LUZP2: variants seen among roughly 807,000 people sequenced by gnomAD.
LUZP2 encodes the protein leucine zipper protein 2.
LUZP2 carries 52 observed loss-of-function variants against 51.6 expected under a neutral mutation model. The observed-to-expected ratio is 1.01, with a 90% confidence interval of 0.81 to 1.27. LUZP2 has a LOEUF of 1.27. LUZP2 is among the 50% of genes most tolerant of loss of function. The pLI, the probability that LUZP2 is intolerant of heterozygous loss-of-function variation, is 0.00. For missense variants in LUZP2, 436 were observed against 395.4 expected (o/e 1.10, Z -0.87); for synonymous variants, 154 against 137.3 (o/e 1.12, Z -0.85).
chr11:24,581,867 GCT>G (rs1852868545), intron 1 of LUZP2, among the ~76,000 whole-genome samples: 1 of 151,964 alleles, frequency 6.6e-6, no homozygotes, highest in Non-Finnish European at 1.5e-5. Context: ...GGAAACAGAG[GCT>G]CAGAGAATTG....
At chr11:24,846,822 T>C (rs987674925) in intron 5 of LUZP2, among the ~76,000 whole-genome samples, 2 of 152,054 alleles carry the variant, frequency 1.3e-5, no homozygotes, top group African/African-American at 2.4e-5. Flanking sequence ...TCTGTCTCCC[T>C]CTATGTGTGT....
At chr11:24,585,120 G>C (rs1168618543) in intron 1 of LUZP2, among the ~76,000 whole-genome samples, 1 of 151,958 alleles carries the variant, frequency 6.6e-6, no homozygotes, top group Admixed American at 6.6e-5. Flanking sequence ...GTTCTCTCTG[G>C]GTATCCTTAA....
At chr11:24,813,462 G>T (rs1376893005) in intron 5 of LUZP2, among the ~76,000 whole-genome samples, 1 of 152,116 alleles carries the variant, frequency 6.6e-6, no homozygotes, top group African/African-American at 2.4e-5. Context: ...GGGGGAGCAG[G>T]CACATCACAT....
intron 1 of LUZP2, among the ~76,000 whole-genome samples, chr11:24,525,598 A>G (rs1173130153): frequency 6.6e-6 from 1 of 151,456 alleles, no homozygotes; most frequent in Non-Finnish European, 1.5e-5. Context: ...GGTTGATGTT[A>G]GTGAAACCAG....
intron 7 of LUZP2, among the ~76,000 whole-genome samples, chr11:24,959,065 A>G (rs1855305004): frequency 6.6e-6 from 1 of 152,152 alleles, no homozygotes; most frequent in Non-Finnish European, 1.5e-5. Context: ...AGATAGTTAT[A>G]GATGTGTGGC....
At chr11:24,771,614 G>T (rs2931360) in intron 5 of LUZP2, among the ~76,000 whole-genome samples, 79,699 of 150,436 alleles carry the variant, frequency 0.53, 21,548 homozygotes, top group Non-Finnish European at 0.6. Context: ...TTAAGAAAAA[G>T]ACACTACCTC....
At chr11:24,769,661 AT>A (rs138849387) in intron 5 of LUZP2, among the ~76,000 whole-genome samples, 11,461 of 147,276 alleles carry the variant, frequency 0.078, 959 homozygotes, top group African/African-American at 0.21. Flanking sequence ...TGGGGCAGAT[AT>A]TTTTTTCCTT....
At chr11:24,931,718 T>A (rs1351636752) in intron 7 of LUZP2, among the ~76,000 whole-genome samples, 1 of 152,252 alleles carries the variant, frequency 6.6e-6, no homozygotes, top group Non-Finnish European at 1.5e-5. Flanking sequence ...ATTGACCTTC[T>A]GAATTCTTTT....
At chr11:24,873,517 A>C (rs1852149036) in intron 5 of LUZP2, among the ~76,000 whole-genome samples, 1 of 152,114 alleles carries the variant, frequency 6.6e-6, no homozygotes, top group Non-Finnish European at 1.5e-5. Context: ...TTTCCTTCAG[A>C]TAACCCTTTG....
intron 1 of LUZP2, among the ~76,000 whole-genome samples, chr11:24,683,470 C>T (rs1856808279): frequency 6.6e-6 from 1 of 152,182 alleles, no homozygotes; most frequent in African/African-American, 2.4e-5. Flanking sequence ...TTTCAACATT[C>T]ATTTCTACTC....
intron 1 of LUZP2, among the ~76,000 whole-genome samples, chr11:24,662,936 C>CA (rs1856068824): frequency 6.6e-6 from 1 of 151,032 alleles, no homozygotes; most frequent in African/African-American, 2.4e-5. Context: ...TAAATAAATA[C>CA]AAAAAATTCA....
At chr11:24,808,402 C>T (rs1444618533) in intron 5 of LUZP2, among the ~76,000 whole-genome samples, 3 of 152,166 alleles carry the variant, frequency 2.0e-5, no homozygotes, top group African/African-American at 7.2e-5. Context: ...AATACTTACA[C>T]AACCTTTCCT....
intron 1 of LUZP2, among the ~76,000 whole-genome samples, chr11:24,555,225 A>G (rs185411709): frequency 2.0e-3 from 302 of 152,304 alleles, no homozygotes; most frequent in Admixed American, 5.5e-3. Flanking sequence ...CATAAGTATT[A>G]GAAGATAGTA....
At chr11:24,920,423 C>T (rs2133814336) in intron 7 of LUZP2, among the ~76,000 whole-genome samples, 1 of 152,036 alleles carries the variant, frequency 6.6e-6, no homozygotes, top group Admixed American at 6.6e-5. Flanking sequence ...AAATTTAACT[C>T]AGCAATCTCA....
At chr11:24,733,084 C>T (rs1858774465) in intron 3 of LUZP2, among the ~76,000 whole-genome samples, 1 of 151,754 alleles carries the variant, frequency 6.6e-6, no homozygotes. Context: ...TCTCATCAGC[C>T]TATATGTCCT....
intron 10 of LUZP2, among the ~76,000 whole-genome samples, chr11:25,055,154 G>T (rs966626400): frequency 6.8e-6 from 1 of 147,962 alleles, no homozygotes; most frequent in Admixed American, 6.7e-5. Flanking sequence ...GGGACTACAG[G>T]TGCCTGCCAC....
intron 4 of LUZP2, among the ~76,000 whole-genome samples, chr11:24,761,030 T>C (rs1015199257): frequency 2.0e-5 from 3 of 152,222 alleles, no homozygotes; most frequent in African/African-American, 7.2e-5. Flanking sequence ...ATAGCCTAGA[T>C]TTTATTTTAG....
intron 7 of LUZP2, among the ~76,000 whole-genome samples, chr11:24,925,219 G>A (rs1854189958): frequency 6.6e-6 from 1 of 152,104 alleles, no homozygotes; most frequent in Admixed American, 6.5e-5. Flanking sequence ...CTATTTTAGT[G>A]GTAAATGCTG....
chr11:24,809,479 C>T (rs918284988), intron 5 of LUZP2, among the ~76,000 whole-genome samples: 2 of 152,114 alleles, frequency 1.3e-5, no homozygotes, highest in East Asian at 3.9e-4. Context: ...TTTCCTCTTT[C>T]ATCATACCTC....
Sources: gnomAD v4.1 joint callset for allele counts (sites outside exome capture counted in the v4.1 genomes callset) on GRCh38, gnomAD v4.1.1 for gene constraint, MANE v1.5 for transcripts, NCBI Gene and HGNC (gene_info 2026-07-23, HGNC 2026-07-21) for gene names.